STEAP1B: variants seen among roughly 807,000 people sequenced by gnomAD.
The protein encoded by STEAP1B is STEAP family protein MGC87042.
In STEAP1B, 13 loss-of-function variants were observed where a neutral mutation model predicts 27.9. The observed-to-expected ratio is 0.47, with a 90% confidence interval of 0.30 to 0.74. STEAP1B has a LOEUF of 0.74. STEAP1B is among the 30% of genes least tolerant of loss of function. STEAP1B has a pLI of 0.06. For missense variants in STEAP1B, 250 were observed against 298.7 expected, an observed-to-expected ratio of 0.84 and a Z score of 1.20; for synonymous variants, 86 against 107.1, an observed-to-expected ratio of 0.80 and a Z score of 1.22.
chr7:22,474,652 C>T (rs1446583615), intron 4 of STEAP1B, among the ~76,000 whole-genome samples: 1 of 152,222 alleles, frequency 6.6e-6, no homozygotes, highest in Admixed American at 6.5e-5. Flanking sequence ...TGTTGATGGG[C>T]TTCTGTCTTG....
intron 4 of STEAP1B, among the ~76,000 whole-genome samples, chr7:22,481,086 CT>C: frequency 6.6e-6 from 1 of 152,328 alleles, no homozygotes; most frequent in Non-Finnish European, 1.5e-5. Flanking sequence ...ACTGGATGTC[CT>C]CGTTTCACAG....
intron 4 of STEAP1B, among the ~76,000 whole-genome samples, chr7:22,436,107 A>G (rs11505434): frequency 0.28 from 42,519 of 152,156 alleles, 7,053 homozygotes; most frequent in Non-Finnish European, 0.35. Context: ...AATGAGAGTA[A>G]TAATATTATC....
intron 3 of STEAP1B, 101 bp from the exon 4 acceptor site, chr7:22,492,830 G>C: frequency 1.4e-6 from 2 of 1,431,442 alleles, no homozygotes; most frequent in Non-Finnish European, 1.8e-6. Context: ...ATGAAGCCCT[G>C]ATAACAGGTC....
chr7:22,449,639 C>A (rs10236224), intron 4 of STEAP1B, among the ~76,000 whole-genome samples: 23,216 of 152,098 alleles, frequency 0.15, 1,830 homozygotes, highest in Non-Finnish European at 0.17. Context: ...ATAGTAATTT[C>A]CTTTCTTTTG....
chr7:22,429,335 C>A (rs3114709), intron 4 of STEAP1B, among the ~76,000 whole-genome samples: 67,838 of 152,068 alleles, frequency 0.45, 15,234 homozygotes, highest in Middle Eastern at 0.58. Context: ...GATCACATTT[C>A]ACTGAAAAAT....
chr7:22,463,530 G>C (rs1174579166), intron 4 of STEAP1B, among the ~76,000 whole-genome samples: 2 of 152,186 alleles, frequency 1.3e-5, no homozygotes, highest in South Asian at 4.1e-4. Flanking sequence ...AAAGCGGGAG[G>C]CATCACACTA....
intron 4 of STEAP1B, among the ~76,000 whole-genome samples, chr7:22,468,639 T>C (rs1051090743): frequency 6.6e-6 from 1 of 152,192 alleles, no homozygotes; most frequent in South Asian, 2.1e-4. Context: ...TAAATATGTA[T>C]CCTCACAGGG....
intron 4 of STEAP1B, among the ~76,000 whole-genome samples, chr7:22,430,032 C>G (rs1785157154): frequency 6.6e-6 from 1 of 152,170 alleles, no homozygotes; most frequent in African/African-American, 2.4e-5. Context: ...GGGAACTGAC[C>G]CACTAGCATC....
At chr7:22,464,397 A>G (rs1785735984) in intron 4 of STEAP1B, among the ~76,000 whole-genome samples, 1 of 152,138 alleles carries the variant, frequency 6.6e-6, no homozygotes, top group African/African-American at 2.4e-5. Flanking sequence ...TTTTTAACTT[A>G]GTCCTACATC....
intron 4 of STEAP1B, among the ~76,000 whole-genome samples, chr7:22,465,382 T>A (rs1407435222): frequency 1.3e-5 from 2 of 152,160 alleles, no homozygotes; most frequent in African/African-American, 4.8e-5. Context: ...TTTTGCTTTT[T>A]TAAAAACTTG....
chr7:22,497,800 C>T (rs7793064), intron 1 of STEAP1B, among the ~76,000 whole-genome samples: 45,900 of 152,052 alleles, frequency 0.3, 7,009 homozygotes, highest in Middle Eastern at 0.45. Flanking sequence ...AGCATGGCAA[C>T]ATCTGCTTCT....
chr7:22,487,395 A>G (rs933707808), intron 4 of STEAP1B, among the ~76,000 whole-genome samples: 1 of 152,214 alleles, frequency 6.6e-6, no homozygotes, highest in Non-Finnish European at 1.5e-5. Flanking sequence ...CCATGATCAC[A>G]GGTCTAACCC....
intron 4 of STEAP1B, among the ~76,000 whole-genome samples, chr7:22,487,017 C>G (rs17146979): frequency 0.087 from 13,240 of 152,216 alleles, 646 homozygotes; most frequent in Non-Finnish European, 0.11. Context: ...ACAAGTATTG[C>G]TTTGTCTTTT....
chr7:22,433,181 G>A (rs1363250219), intron 4 of STEAP1B, among the ~76,000 whole-genome samples: 1 of 152,030 alleles, frequency 6.6e-6, no homozygotes, highest in East Asian at 1.9e-4. Flanking sequence ...AGCAAACTTC[G>A]CAAGCTCCCA....
chr7:22,419,708 G>A lies in STEAP1B; in HGVS notation c.*96C>T, dbSNP rs146774827. On this transcript the variant is annotated 3_prime_UTR_variant, in exon 5 of 5. Coordinates refer to ENST00000678116, the MANE Select transcript of STEAP1B (RefSeq NM_001382447.1). ...TGCAGCATGGCTGTTCATTGTGGCA[G>A]AGGGAAAGGGCACTGGGTGGTGTTC... 2.5e-4 allele frequency: 345 copies of A among 1,388,144 alleles called. 1 individual carries two copies. The African/African-American group carries it at 4.2e-3, about 17-fold the overall frequency. The allele number at this position is 1,388,144 out of a possible 1,614,324, so 86.0% of individuals were successfully genotyped here. A position where few individuals can be genotyped will look rare whatever the true frequency, so the allele number is the denominator to read the frequency against.
At chr7:22,455,780 A>G (rs1743741981) in intron 4 of STEAP1B, among the ~76,000 whole-genome samples, 1 of 152,226 alleles carries the variant, frequency 6.6e-6, no homozygotes. Context: ...TGCTTATATA[A>G]CTGGAATAAA....
chr7:22,431,472 G>A (rs574939610), intron 4 of STEAP1B, among the ~76,000 whole-genome samples: 4 of 152,200 alleles, frequency 2.6e-5, no homozygotes, highest in Non-Finnish European at 5.9e-5. Flanking sequence ...AAGCGCTGTG[G>A]CCTGGCGATG....
Position 22,467,474 on chromosome 7 carries a change from T to C in STEAP1B, c.762+25091A>G, listed in dbSNP as rs186883732. ...TATAAACTTTAGTTAAATACTGATA[T>C]GGTTTGGCTATGTCCCCACCCAAAT... On this transcript the variant is annotated intron_variant, in intron 4 of 4. Coordinates refer to ENST00000678116, the MANE Select transcript of STEAP1B (RefSeq NM_001382447.1). Among the ~76,000 whole-genome samples, 368 of 152,300 alleles carry C rather than the reference T, an allele frequency of 2.4e-3. 2 individuals are homozygous for C. The highest frequency in any genetic ancestry group is 8.4e-3 in the African/African-American group (349 of 41,562).
chr7:22,478,506 C>G (rs558480887), intron 4 of STEAP1B, among the ~76,000 whole-genome samples: 1 of 152,332 alleles, frequency 6.6e-6, no homozygotes, highest in Non-Finnish European at 1.5e-5. Context: ...CTCTCAAGTT[C>G]TCTCAAGATC....
Sources: allele counts gnomAD v4.1 joint callset (sites outside exome capture counted in the v4.1 genomes callset), GRCh38; gene constraint gnomAD v4.1.1; transcripts MANE v1.5; gene names NCBI Gene and HGNC (gene_info 2026-07-23, HGNC 2026-07-21).